The following IQSEC1 variants were observed in gnomAD, a reference collection of about 807,000 sequenced individuals.
The protein encoded by IQSEC1 is IQ motif and SEC7 domain-containing protein 1.
In IQSEC1, 31 loss-of-function variants were observed where a neutral mutation model predicts 91.0. The observed-to-expected ratio is 0.34, with a 90% confidence interval of 0.26 to 0.46. The LOEUF (loss-of-function observed/expected upper bound fraction) is 0.46. Among genes scored for constraint, IQSEC1 ranks in the 20% least tolerant of loss-of-function variants. IQSEC1 has a pLI of 1.00. For missense variants in IQSEC1, 1,388 were observed against 1,575.6 expected, an observed-to-expected ratio of 0.88 and a Z score of 2.02; for synonymous variants, 699 against 662.6, an observed-to-expected ratio of 1.05 and a Z score of -0.84.
chr3:13,125,602 T>C (rs971850518), intron 2 of IQSEC1, among the ~76,000 whole-genome samples: 1 of 152,194 alleles, frequency 6.6e-6, no homozygotes, highest in African/African-American at 2.4e-5. Flanking sequence ...ACAAATCTCT[T>C]AGAAGCTGTG....
chr3:13,186,704 C>T (rs945013158), intron 1 of IQSEC1, among the ~76,000 whole-genome samples: 4 of 152,040 alleles, frequency 2.6e-5, no homozygotes, highest in Non-Finnish European at 5.9e-5. Flanking sequence ...GAGGGGATGG[C>T]CAGACACGTG....
chr3:13,105,166 C>A (rs1706132637), intron 2 of IQSEC1, among the ~76,000 whole-genome samples: 1 of 152,160 alleles, frequency 6.6e-6, no homozygotes, highest in African/African-American at 2.4e-5. Context: ...CACAAGGAAC[C>A]TCTACACGGG....
intron 1 of IQSEC1, among the ~76,000 whole-genome samples, chr3:13,238,146 C>T (rs1405890536): frequency 1.3e-5 from 2 of 152,216 alleles, no homozygotes; most frequent in Admixed American, 6.5e-5. Context: ...ATTCGCACCT[C>T]CACGTGCCCA....
chr3:13,119,354 C>T (rs181418744), intron 2 of IQSEC1, among the ~76,000 whole-genome samples: 1 of 152,254 alleles, frequency 6.6e-6, no homozygotes, highest in Admixed American at 6.5e-5. Context: ...CTGCTTCTGC[C>T]AACAACAATT....
intron 1 of IQSEC1, among the ~76,000 whole-genome samples, chr3:13,244,960 C>G (rs372766967): frequency 6.6e-6 from 1 of 152,170 alleles, no homozygotes; most frequent in Non-Finnish European, 1.5e-5. Flanking sequence ...AATGGAGGCA[C>G]GCAAATGGAG....
rs376090331 is a variant in IQSEC1, at chr3:13,148,678, C to T, written c.302+15426G>A. Among the ~76,000 whole-genome samples the T allele has an allele frequency of 1.4e-4, 21 of 152,238 alleles. 1 individual carries two copies. Among genetic ancestry groups the T allele is most frequent in the East Asian group, 1.2e-3 (6 of 5,188 alleles). ...GTTCCTGGTTCCAGGTCACCACAGT[C>T]CCCGGGGCTCCCTGGCCCAGGCCCT... On this transcript the variant is annotated intron_variant, in intron 2 of 15. Transcript: ENST00000648114.
At chr3:13,092,391 C>T (rs896892982) in intron 2 of IQSEC1, among the ~76,000 whole-genome samples, 1 of 152,120 alleles carries the variant, frequency 6.6e-6, no homozygotes, top group Non-Finnish European at 1.5e-5. Flanking sequence ...AAAACACGCC[C>T]CGGCTGACCA....
intron 10 of IQSEC1, among the ~76,000 whole-genome samples, chr3:12,911,003 T>C (rs1381873370): frequency 6.6e-6 from 1 of 152,172 alleles, no homozygotes; most frequent in Non-Finnish European, 1.5e-5. Context: ...TGGAAGCCAG[T>C]GGGGTGCTGC....
chr3:13,033,955 G>A lies in IQSEC1; in HGVS notation c.23+39037C>T, dbSNP rs757615768. Among the ~76,000 whole-genome samples the A allele has an allele frequency of 5.3e-5, 8 of 152,306 alleles. No individual in the cohort carries two copies. The South Asian group carries it at 8.3e-4, about 16-fold the overall frequency. ...GCAAGGTGACACATGAGATGAACAC[G>A]GTGTTCCCGCTGTTGGTGGCCCAAT... On this transcript the variant is annotated intron_variant, in intron 1 of 13. Transcript: ENST00000613206.
At chr3:13,094,475 T>C (rs554640794) in intron 2 of IQSEC1, among the ~76,000 whole-genome samples, 18 of 152,296 alleles carry the variant, frequency 1.2e-4, no homozygotes, top group Admixed American at 2.0e-4. Context: ...GCTGGCGAGA[T>C]GCAGAGTGAT....
intron 1 of IQSEC1, among the ~76,000 whole-genome samples, chr3:12,951,445 CA>C (rs34564171): frequency 1.0e-3 from 149 of 143,694 alleles, no homozygotes; most frequent in Middle Eastern, 3.6e-3. Context: ...ACCTCTATCT[CA>C]AAAAAAAAAA....
chr3:12,935,724 AGGGGCCTGGGGGGCC>A lies in IQSEC1; in HGVS notation c.1277_1291del (p.Arg426_Pro430del), dbSNP rs769071385. The A allele has an allele frequency of 6.2e-7, 1 of 1,612,072 alleles. No homozygotes were observed. Among genetic ancestry groups the A allele is most frequent in the Non-Finnish European group, 8.5e-7 (1 of 1,179,926 alleles). Reference sequence around the variant, plus strand: ...GCCATTGATGGCCAAGTGGCTGTCCAGGGGCCTGGGGGGCCGGGGCCGCAACTCAGGCTCCTCCCG... The same window carrying A: ...GCCATTGATGGCCAAGTGGCTGTCCAGGGGCCGCAACTCAGGCTCCTCCCG... On this transcript the variant is annotated inframe_deletion, in exon 3 of 14. Transcript: ENST00000613206. This position sits in a 1 kb window ranked among gnomAD's most constrained non-coding sequence, Gnocchi z 8.0.
In IQSEC1 at chr3:12,899,418, G is replaced by A. The variant is rs766792546; in HGVS notation, c.*1565C>T. ...GGAGCACAGCACTGACGGCTGCAGT[G>A]GCTCGAAAGGCTGAAACTACAAAGT... On this transcript the variant is annotated 3_prime_UTR_variant, in exon 14 of 14. Transcript: ENST00000613206. 2 of 1,611,574 alleles carry A rather than the reference G, an allele frequency of 1.2e-6. No homozygotes were observed. The highest frequency in any genetic ancestry group is 1.3e-5 in the African/African-American group (1 of 75,056).
intron 1 of IQSEC1, among the ~76,000 whole-genome samples, chr3:12,987,283 A>C (rs1701786194): frequency 6.6e-6 from 1 of 152,178 alleles, no homozygotes; most frequent in African/African-American, 2.4e-5. Context: ...CACAGCCTGC[A>C]GTTGGGCCAC....
At chr3:13,170,882 G>A (rs1693594235) in intron 1 of IQSEC1, among the ~76,000 whole-genome samples, 1 of 152,124 alleles carries the variant, frequency 6.6e-6, no homozygotes, top group South Asian at 2.1e-4. Flanking sequence ...GGTGGATCAC[G>A]AGGTCAAGAG....
intron 1 of IQSEC1, among the ~76,000 whole-genome samples, chr3:13,186,192 C>A (rs564974171): frequency 1.8e-4 from 28 of 152,324 alleles, no homozygotes; most frequent in Admixed American, 1.6e-3. Flanking sequence ...TCAGCCACCC[C>A]ACTGGAACGT....
chr3:13,107,138 C>A (rs1391413408), intron 2 of IQSEC1, among the ~76,000 whole-genome samples: 1 of 152,180 alleles, frequency 6.6e-6, no homozygotes, highest in African/African-American at 2.4e-5. Context: ...CTCTGGTGAC[C>A]ACCAGGGACA....
intron 2 of IQSEC1, among the ~76,000 whole-genome samples, chr3:13,105,990 C>T (rs1176355512): frequency 6.6e-6 from 1 of 152,190 alleles, no homozygotes; most frequent in African/African-American, 2.4e-5. Flanking sequence ...CTGAGAAAAT[C>T]CGGCAGCCCT....
intron 1 of IQSEC1, among the ~76,000 whole-genome samples, chr3:13,026,244 C>T (rs1703607971): frequency 6.6e-6 from 1 of 152,218 alleles, no homozygotes; most frequent in Non-Finnish European, 1.5e-5. Context: ...ACTGTTCTCT[C>T]CCCCAACCCT....
Sources: allele counts gnomAD v4.1 joint callset (sites outside exome capture counted in the v4.1 genomes callset), GRCh38; gene constraint gnomAD v4.1.1; non-coding constraint Gnocchi (gnomAD v3.1); transcripts MANE v1.5; gene names NCBI Gene and HGNC (gene_info 2026-07-23, HGNC 2026-07-21).